EIF3A: variants seen among roughly 807,000 people sequenced by gnomAD.
EIF3A encodes the protein EIF3, p180 subunit.
A neutral mutation model predicts 186.6 loss-of-function variants in EIF3A; 21 were observed. That is an observed-to-expected ratio of 0.11 (90% CI 0.08 to 0.16). The LOEUF is 0.16. EIF3A is among the 10% of genes least tolerant of loss of function. EIF3A has a pLI of 1.00. For missense variants in EIF3A, 1,306 were observed against 1,796.3 expected (o/e 0.73, Z 4.93); for synonymous variants, 563 against 584.3 (o/e 0.96, Z 0.52).
At chr10:119,039,322 T>A (rs1462287543) in intron 19 of EIF3A, among the ~76,000 whole-genome samples, 1 of 152,060 alleles carries the variant, frequency 6.6e-6, no homozygotes, top group Non-Finnish European at 1.5e-5. Flanking sequence ...CATATAGAGA[T>A]GTAAATTTGC....
At chr10:119,071,367 CT>C (rs1252879164) in intron 4 of EIF3A, among the ~76,000 whole-genome samples, 3 of 151,928 alleles carry the variant, frequency 2.0e-5, no homozygotes, top group Non-Finnish European at 4.4e-5. Flanking sequence ...TAGGGGTCAC[CT>C]TTCAAAGACC....
intron 6 of EIF3A, among the ~76,000 whole-genome samples, chr10:119,067,537 G>T (rs1184892283): frequency 6.6e-6 from 1 of 152,182 alleles, no homozygotes; most frequent in Non-Finnish European, 1.5e-5. Context: ...GATGCATGCA[G>T]TGAGCTACAA....
Position 119,057,960 on chromosome 10 carries a change from A to G in EIF3A, c.1973T>C (p.Ile658Thr), listed in dbSNP as rs1347880001. Reference protein sequence around the residue: ...LGAKAFKDIDIEDLEELDPDF... With the variant: ...LGAKAFKDIDTEDLEELDPDF... ...AATAACTAAGATGCTACGTACTTCAATATCAATATCTTTGAATGCTTTGGC... is the reference window on the plus strand; with the variant it reads ...AATAACTAAGATGCTACGTACTTCAGTATCAATATCTTTGAATGCTTTGGC... Residue 658 changes from isoleucine (I) to threonine (T), a missense_variant, in exon 12 of 22, where the codon ATT becomes ACT. Around this residue, in one of 8 missense-constraint regions of EIF3A, gnomAD observed 94 missense variants for 204.9 expected, o/e 0.46. Transcript: ENST00000369144. 2 of 1,609,446 alleles carry G rather than the reference A, an allele frequency of 1.2e-6. No individual in the cohort carries two copies. Among genetic ancestry groups the G allele is most frequent in the Admixed American group, 1.7e-5 (1 of 59,216 alleles).
At chr10:119,066,137 A>G (rs565612497) in intron 6 of EIF3A, among the ~76,000 whole-genome samples, 3 of 151,742 alleles carry the variant, frequency 2.0e-5, no homozygotes, top group Non-Finnish European at 4.4e-5. Context: ...AAAAAGAAAG[A>G]AAAAGATTGT....
At chr10:119,068,353 T>C (rs1243336687) in intron 6 of EIF3A, among the ~76,000 whole-genome samples, 1 of 152,146 alleles carries the variant, frequency 6.6e-6, no homozygotes, top group Non-Finnish European at 1.5e-5. Flanking sequence ...ACTTAATATT[T>C]TGCAATCAGG....
intron 1 of EIF3A, among the ~76,000 whole-genome samples, chr10:119,077,599 C>G (rs11198757): frequency 0.85 from 126,811 of 149,570 alleles, 56,501 homozygotes; most frequent in Non-Finnish European, 0.97. Context: ...CTGTCACCCA[C>G]GCTGGAGTGC....
At chr10:119,077,071 C>T (rs924324326) in intron 1 of EIF3A, among the ~76,000 whole-genome samples, 5 of 152,070 alleles carry the variant, frequency 3.3e-5, no homozygotes, top group Non-Finnish European at 7.4e-5. Flanking sequence ...ATCACAGCAG[C>T]AGCACTAAAA....
chr10:119,041,843 C>T (rs1848212504), intron 19 of EIF3A, 151 bp downstream of exon 19: 1 of 839,460 alleles, frequency 1.2e-6, no homozygotes, highest in East Asian at 2.6e-5. Flanking sequence ...TGAAGGCAAA[C>T]TTTTGACAGC....
chr10:119,070,173 T>TGG (rs1844049417), intron 5 of EIF3A, among the ~76,000 whole-genome samples: 1 of 152,224 alleles, frequency 6.6e-6, no homozygotes, highest in Non-Finnish European at 1.5e-5. Flanking sequence ...TCCTCTATAA[T>TGG]TTCAATCAAA....
At position 119,058,383 on chromosome 10, in the gene EIF3A, T is replaced by A. The variant is rs7899678; in HGVS notation, c.1630-80A>T. On this transcript the variant is annotated intron_variant, in intron 11 of 21. Coordinates refer to ENST00000369144, the MANE Select transcript of EIF3A (RefSeq NM_003750.4). ...AGGCATCAAAGAAATTACAAAATAA[T>A]CCTGATGTACTGCCTTTCTATGTAT... 4.6e-4 allele frequency: 446 copies of A among 966,912 alleles called. 4 individuals are homozygous for A. In the African/African-American group the frequency reaches 6.8e-3, roughly 15 times the overall value. 59.9% of individuals were successfully genotyped at this position (966,912 alleles called of 1,614,324 possible). A position where few individuals can be genotyped will look rare whatever the true frequency, so the allele number is the denominator to read the frequency against.
chr10:119,067,598 G>A (rs943922970), intron 6 of EIF3A, among the ~76,000 whole-genome samples: 2 of 152,114 alleles, frequency 1.3e-5, no homozygotes, highest in African/African-American at 4.8e-5. Context: ...TATGAGAAAG[G>A]AAAGAAAGAC....
intron 18 of EIF3A, among the ~76,000 whole-genome samples, chr10:119,043,737 T>C (rs1415224467): frequency 6.6e-6 from 1 of 151,884 alleles, no homozygotes; most frequent in Non-Finnish European, 1.5e-5. Flanking sequence ...TTGGGCAACA[T>C]GGCAAAACCC....
chr10:119,067,362 G>A (rs189847115), intron 6 of EIF3A, among the ~76,000 whole-genome samples: 34 of 152,290 alleles, frequency 2.2e-4, no homozygotes, highest in Admixed American at 2.0e-4. Flanking sequence ...CCTGAGGCAG[G>A]TAGATCACTT....
At chr10:119,068,986 A>AG (rs1564759607) in intron 6 of EIF3A, among the ~76,000 whole-genome samples, 3 of 151,944 alleles carry the variant, frequency 2.0e-5, no homozygotes, top group African/African-American at 4.8e-5. Flanking sequence ...AAAAAAAAAA[A>AG]AAAAGAAAAG....
chr10:119,065,348 A>G (rs1589693291), intron 7 of EIF3A, 51 bp downstream of exon 7: 1 of 1,364,648 alleles, frequency 7.3e-7, no homozygotes. Flanking sequence ...ATTAAACCTG[A>G]CCACAAAGTT....
chr10:119,060,041 A>G (rs752435318), intron 9 of EIF3A: 3 of 518,388 alleles, frequency 5.8e-6, no homozygotes, highest in Admixed American at 2.2e-5. Flanking sequence ...CAGCATTACT[A>G]TTTATAGTTA....
intron 14 of EIF3A, among the ~76,000 whole-genome samples, chr10:119,055,167 G>A (rs897953758): frequency 1.3e-5 from 2 of 152,170 alleles, no homozygotes; most frequent in South Asian, 2.1e-4. Context: ...CCGAGATTGC[G>A]CCACTGCACT....
rs765995915 is a variant in EIF3A, at chr10:119,037,192, A to T, written c.3846T>A (p.Asp1282Glu). ...DRRRERDDRR[D>E]LRERRDLRDD... ...CTCTTAGATCTCGTCTTTCTCTTAG[A>T]TCACGCCGGTCATCCCTCTCACGGC... is the stretch of plus-strand genomic sequence containing the variant. Residue 1282 changes from aspartate to glutamate, a missense_variant, in exon 21 of 22, where the codon GAT becomes GAA. Around this residue, in one of 8 missense-constraint regions of EIF3A, gnomAD observed 331 missense variants for 365.8 expected, o/e 0.90. Coordinates refer to ENST00000369144, the MANE Select transcript of EIF3A (RefSeq NM_003750.4). 2 of 1,613,058 alleles carry T rather than the reference A, an allele frequency of 1.2e-6. No homozygotes were observed. Among genetic ancestry groups the T allele is most frequent in the Non-Finnish European group, 1.7e-6 (2 of 1,179,944 alleles).
chr10:119,049,453 C>T (rs948683914), intron 17 of EIF3A, among the ~76,000 whole-genome samples: 2 of 142,878 alleles, frequency 1.4e-5, no homozygotes, highest in African/African-American at 5.3e-5. Context: ...GAGATCACAC[C>T]ACTGCACTCC....
Sources: allele counts gnomAD v4.1 joint callset (sites outside exome capture counted in the v4.1 genomes callset), GRCh38; gene constraint gnomAD v4.1.1; regional missense constraint gnomAD v4.1.1; transcripts MANE v1.5; gene names NCBI Gene and HGNC (gene_info 2026-07-23, HGNC 2026-07-21).